AHCYL2: variants seen among roughly 807,000 people sequenced by gnomAD.
AHCYL2 encodes the protein S-adenosylhomocysteine hydrolase-like protein 2.
In AHCYL2, 28 loss-of-function variants were observed where a neutral mutation model predicts 81.4. The observed-to-expected ratio is 0.34, with a 90% CI of 0.25 to 0.47. The LOEUF (loss-of-function observed/expected upper bound fraction) is 0.47, where lower values mean the gene tolerates loss of function less well. Among genes scored for constraint, AHCYL2 ranks in the 20% least tolerant of loss-of-function variants. The probability of loss-of-function intolerance (pLI) is 1.00; values close to 1 mark genes in which losing one functional copy is unlikely to be tolerated. For missense variants in AHCYL2, 551 were observed against 785.1 expected, an observed-to-expected ratio of 0.70 and a Z score of 3.56; for synonymous variants, 272 against 290.2, an observed-to-expected ratio of 0.94 and a Z score of 0.64.
intron 1 of AHCYL2, among the ~76,000 whole-genome samples, chr7:129,242,267 G>A (rs1260072191): frequency 2.6e-5 from 4 of 151,438 alleles, no homozygotes; most frequent in East Asian, 1.9e-4. Context: ...GGACTCAAGC[G>A]ATCCCTCCTG....
At chr7:129,238,365 T>C (rs1392555070) in intron 1 of AHCYL2, among the ~76,000 whole-genome samples, 2 of 152,170 alleles carry the variant, frequency 1.3e-5, no homozygotes, top group African/African-American at 4.8e-5. Flanking sequence ...TGCTAGACTG[T>C]ATTAGAGAAG....
intron 12 of AHCYL2, among the ~76,000 whole-genome samples, chr7:129,416,025 G>A (rs562433329): frequency 1.2e-4 from 19 of 152,078 alleles, no homozygotes; most frequent in Admixed American, 1.0e-3. Context: ...GGCGACAAGA[G>A]CGAAACTCCA....
chr7:129,267,944 T>C (rs1173182202), intron 1 of AHCYL2, among the ~76,000 whole-genome samples: 1 of 152,144 alleles, frequency 6.6e-6, no homozygotes, highest in Non-Finnish European at 1.5e-5. Flanking sequence ...TAGAAAGCTC[T>C]GAAAATGTGG....
chr7:129,331,076 C>T (rs1262344841), intron 1 of AHCYL2, among the ~76,000 whole-genome samples: 2 of 152,126 alleles, frequency 1.3e-5, no homozygotes, highest in Non-Finnish European at 2.9e-5. Context: ...GGGAAACTTC[C>T]AGCAGTTCTG....
At chr7:129,423,770 T>C (rs938300386) in intron 13 of AHCYL2, among the ~76,000 whole-genome samples, 40 of 152,306 alleles carry the variant, frequency 2.6e-4, no homozygotes, top group African/African-American at 9.6e-4. Context: ...TTAGGAGTTT[T>C]TAGTGTCCTT....
chr7:129,424,085 T>C (rs1355068682), intron 13 of AHCYL2, among the ~76,000 whole-genome samples: 1 of 152,050 alleles, frequency 6.6e-6, no homozygotes, highest in Non-Finnish European at 1.5e-5. Context: ...AGGGTGGCAT[T>C]GGGGGCAATT....
intron 1 of AHCYL2, among the ~76,000 whole-genome samples, chr7:129,231,747 A>T (rs974209364): frequency 6.6e-6 from 1 of 152,226 alleles, no homozygotes; most frequent in Non-Finnish European, 1.5e-5. Context: ...CGATTTGGTG[A>T]GAGCAGAGCA....
At chr7:129,260,003 G>C (rs1228739392) in intron 1 of AHCYL2, among the ~76,000 whole-genome samples, 1 of 151,518 alleles carries the variant, frequency 6.6e-6, no homozygotes, top group African/African-American at 2.4e-5. Context: ...TTGAACCCAG[G>C]AGGCGAAGGT....
chr7:129,240,229 A>G (rs2703095), intron 1 of AHCYL2, among the ~76,000 whole-genome samples: 135,949 of 151,296 alleles, frequency 0.9, 61,983 homozygotes, highest in East Asian at 1. Flanking sequence ...AAAAAAAAAA[A>G]AGAATCCCAT....
At chr7:129,267,524 C>T (rs867492378) in intron 1 of AHCYL2, among the ~76,000 whole-genome samples, 1 of 151,968 alleles carries the variant, frequency 6.6e-6, no homozygotes, top group Non-Finnish European at 1.5e-5. Flanking sequence ...AAGCTGGTCT[C>T]GAACTCCTGA....
intron 1 of AHCYL2, among the ~76,000 whole-genome samples, chr7:129,322,916 A>T (rs1246175135): frequency 3.3e-5 from 5 of 152,134 alleles, no homozygotes; most frequent in Non-Finnish European, 7.4e-5. Flanking sequence ...TTTTTATTTT[A>T]AAATTGTAGA....
intron 1 of AHCYL2, among the ~76,000 whole-genome samples, chr7:129,282,461 A>G (rs1796478752): frequency 1.3e-5 from 2 of 151,638 alleles, no homozygotes; most frequent in African/African-American, 2.4e-5. Flanking sequence ...CTTCTAGTTC[A>G]CTCATCTCTT....
At chr7:129,290,929 CA>C (rs1436774012) in intron 1 of AHCYL2, among the ~76,000 whole-genome samples, 33 of 119,248 alleles carry the variant, frequency 2.8e-4, no homozygotes, top group East Asian at 4.8e-4. Flanking sequence ...GACTCCATCT[CA>C]AAAAAAAAAA....
chr7:129,225,846 C>T (rs1189986998), intron 1 of AHCYL2, among the ~76,000 whole-genome samples: 3 of 152,202 alleles, frequency 2.0e-5, no homozygotes, highest in Non-Finnish European at 4.4e-5. Context: ...ATGAAAAGAT[C>T]TTTAATACTT....
chr7:129,410,400 G>C, intron 11 of AHCYL2: 1 of 1,602,614 alleles, frequency 6.2e-7, no homozygotes, highest in Non-Finnish European at 8.6e-7. Flanking sequence ...GCCAAACCCA[G>C]TGAACTATTA....
intron 2 of AHCYL2, among the ~76,000 whole-genome samples, chr7:129,383,235 G>A (rs1460123241): frequency 6.6e-6 from 1 of 151,898 alleles, no homozygotes; most frequent in East Asian, 1.9e-4. Context: ...GCACAATCAT[G>A]GCTTACTGTA....
At chr7:129,255,627 G>A (rs772939324) in intron 1 of AHCYL2, among the ~76,000 whole-genome samples, 8 of 152,206 alleles carry the variant, frequency 5.3e-5, no homozygotes, top group Non-Finnish European at 1.0e-4. Flanking sequence ...AATTCTTAGG[G>A]TTAAGACAAT....
chr7:129,313,690 C>A (rs1244692103), intron 1 of AHCYL2, among the ~76,000 whole-genome samples: 2 of 152,068 alleles, frequency 1.3e-5, no homozygotes, highest in Non-Finnish European at 2.9e-5. Flanking sequence ...TGAGTTCAAA[C>A]TATTTCCAAA....
At chr7:129,391,345 G>T (rs957148035) in intron 4 of AHCYL2, among the ~76,000 whole-genome samples, 1 of 152,290 alleles carries the variant, frequency 6.6e-6, no homozygotes, top group Non-Finnish European at 1.5e-5. Flanking sequence ...TTGCTAATTT[G>T]TAAAGTGGAA....
Sources: gnomAD v4.1 joint callset for allele counts (sites outside exome capture counted in the v4.1 genomes callset) on GRCh38, gnomAD v4.1.1 for gene constraint, MANE v1.5 for transcripts, NCBI Gene and HGNC (gene_info 2026-07-23, HGNC 2026-07-21) for gene names.